GSTA5: variants seen among roughly 807,000 people sequenced by gnomAD.
GSTA5 encodes the protein glutathione S-transferase alpha 5.
In GSTA5, 25 loss-of-function variants were observed where a neutral mutation model predicts 21.8. The ratio of observed to expected loss-of-function variants is 1.14; its 90% CI spans 0.83 to 1.60. The LOEUF (loss-of-function observed/expected upper bound fraction) is 1.60, where lower values mean the gene tolerates loss of function less well. Among genes scored for constraint, GSTA5 ranks in the 40% most tolerant of loss-of-function variants. GSTA5 has a pLI of 0.00. For synonymous variants in GSTA5, 102 were observed against 89.5 expected (o/e 1.14, Z -0.78); for missense variants, 330 against 259.2 (o/e 1.27, Z -1.88).
intron 1 of GSTA5, among the ~76,000 whole-genome samples, chr6:52,838,221 T>C (rs369751246): frequency 2.0e-5 from 3 of 152,226 alleles, no homozygotes; most frequent in South Asian, 4.1e-4. Flanking sequence ...TAACATTATT[T>C]TTCATGAAAA....
chr6:52,835,088 A>G (rs1764273634), intron 3 of GSTA5, among the ~76,000 whole-genome samples: 1 of 152,246 alleles, frequency 6.6e-6, no homozygotes, highest in South Asian at 2.1e-4. Context: ...AGAATTCTGT[A>G]AAAATCATCA....
chr6:52,834,332 T>C (rs547013556), intron 3 of GSTA5, 50 bp from the exon 4 acceptor site: 266 of 1,559,560 alleles, frequency 1.7e-4, no homozygotes, highest in Non-Finnish European at 2.1e-4. Context: ...CCTTAGATTT[T>C]ATAGGTTTAT....
chr6:52,838,616 G>C (rs1764324793), intron 1 of GSTA5, among the ~76,000 whole-genome samples: 2 of 152,192 alleles, frequency 1.3e-5, no homozygotes, highest in South Asian at 4.1e-4. Flanking sequence ...ATGAGTGGTT[G>C]CAGGTATTTA....
Position 52,834,293 on chromosome 6 carries a change from A to G in GSTA5, c.273-11T>C, listed in dbSNP as rs762712071. The G allele has an allele frequency of 1.3e-6, 2 of 1,598,750 alleles. No homozygotes were observed. The highest frequency in any genetic ancestry group is 2.3e-5 in the South Asian group (2 of 87,788). ...GTGTACATATCAATCCTGAAAGACA[A>G]AAACAACCAAACCATCAAATGCCTT... On this transcript the variant is annotated splice_polypyrimidine_tract_variant and intron_variant, in intron 3 of 5. Transcript: ENST00000370989.
At position 52,840,126 on chromosome 6, in the gene GSTA5, G is replaced by A. The variant is rs1223150274; in HGVS notation, c.87+601C>T. Among the ~76,000 whole-genome samples the A allele has an allele frequency of 6.6e-5, 10 of 152,052 alleles. No homozygotes were observed. In the South Asian group the frequency reaches 8.3e-4, roughly 13 times the overall value. On this transcript the variant is annotated intron_variant, in intron 1 of 5. Transcript: ENST00000370989. ...AACTACAGCCATTTTTAAATATTAC[G>A]TATTTTCATTTTTTTGTTGTGGAAA...
chr6:52,836,223 A>C lies in GSTA5; in HGVS notation c.272+13T>G. On this transcript the variant is annotated intron_variant, in intron 3 of 5. Coordinates refer to ENST00000370989, the Ensembl canonical transcript of GSTA5. ...TGTTCTCTGTGGATGGAAGAACAGA[A>C]AATATACCATACAGGGCTCTCTCCT... 1 of 1,612,078 alleles carries C rather than the reference A, an allele frequency of 6.2e-7. No homozygotes were observed. The highest frequency in any genetic ancestry group is 8.5e-7 in the Non-Finnish European group (1 of 1,179,392).
At chr6:52,834,067 C>T in intron 4 of GSTA5, 74 bp downstream of exon 4, 1 of 1,546,608 alleles carries the variant, frequency 6.5e-7, no homozygotes, top group Non-Finnish European at 8.9e-7. Flanking sequence ...TCAGTGGCCC[C>T]AGGAATGCCC....
chr6:52,840,732 C>T, exon 1 of GSTA5: 6 of 1,613,956 alleles, frequency 3.7e-6, no homozygotes, highest in South Asian at 1.1e-5. Context: ...CCTACCTCTA[C>T]TCCAGCTGCA....
At chr6:52,839,386 T>C (rs2127324908) in intron 1 of GSTA5, among the ~76,000 whole-genome samples, 1 of 152,318 alleles carries the variant, frequency 6.6e-6, no homozygotes, top group East Asian at 1.9e-4. Context: ...GCAGAGCTGA[T>C]GTCTGCGTGA....
In GSTA5 at chr6:52,832,993, G is replaced by C. The variant is rs1478759028; in HGVS notation, c.415-3C>G. On this transcript the variant is annotated splice_polypyrimidine_tract_variant and splice_region_variant and intron_variant, in intron 4 of 5. Transcript: ENST00000370989. Reference sequence around the variant, plus strand: ...TCTTGTCTGTGGCTCTTTAAGACCTGGAGAATTGGAGGAATCAGATCAGGA... The same window carrying C: ...TCTTGTCTGTGGCTCTTTAAGACCTCGAGAATTGGAGGAATCAGATCAGGA... 7.4e-6 allele frequency: 12 copies of C among 1,613,956 alleles called. No homozygotes were observed. The highest frequency in any genetic ancestry group is 1.3e-5 in the African/African-American group (1 of 75,018).
At chr6:52,840,673 T>A in intron 1 of GSTA5, 54 bp downstream of exon 1, 2 of 1,476,280 alleles carry the variant, frequency 1.4e-6, no homozygotes, top group Non-Finnish European at 1.9e-6. Flanking sequence ...GTGGGAAAAG[T>A]ATGTGATAAC....
chr6:52,836,481 G>T, intron 2 of GSTA5, 113 bp from the exon 3 acceptor site: 5 of 1,108,284 alleles, frequency 4.5e-6, no homozygotes, highest in Non-Finnish European at 6.5e-6. Context: ...AGAAATTATT[G>T]CCTGTTAAGT....
intron 1 of GSTA5, 149 bp downstream of exon 1, chr6:52,840,578 G>A (rs1764358527): frequency 8.1e-6 from 6 of 737,374 alleles, no homozygotes; most frequent in Non-Finnish European, 1.4e-5. Flanking sequence ...CAATTTTTAG[G>A]TCAAATCTAT....
chr6:52,839,750 A>G (rs1239092553), intron 1 of GSTA5, among the ~76,000 whole-genome samples: 1 of 152,176 alleles, frequency 6.6e-6, no homozygotes. Context: ...TTTCTCAGTG[A>G]CACCTCTAGA....
At chr6:52,841,256 C>G (rs189349949), upstream of GSTA5, among the ~76,000 whole-genome samples, 10 of 152,262 alleles carry the variant, frequency 6.6e-5, no homozygotes, top group South Asian at 4.2e-4. Flanking sequence ...TTAATGAAAT[C>G]GAACATCAGA....
chr6:52,843,959 G>A (rs1281832029), upstream of GSTA5, among the ~76,000 whole-genome samples: 1 of 152,164 alleles, frequency 6.6e-6, no homozygotes, highest in Non-Finnish European at 1.5e-5. Context: ...TAAGACTGGG[G>A]CAGAGGTTAC....
At chr6:52,840,603 A>C in intron 1 of GSTA5, 124 bp downstream of exon 1, 1 of 895,302 alleles carries the variant, frequency 1.1e-6, no homozygotes, top group Admixed American at 2.4e-5. Context: ...CTTTTTCTTA[A>C]TTACAGTCCA....
intron 4 of GSTA5, among the ~76,000 whole-genome samples, chr6:52,833,478 C>G (rs1764246254): frequency 6.6e-6 from 1 of 152,198 alleles, no homozygotes; most frequent in East Asian, 1.9e-4. Context: ...ATTCCCTGCT[C>G]TATCTCCCTG....
upstream of GSTA5, among the ~76,000 whole-genome samples, chr6:52,844,684 T>C (rs182001199): frequency 9.8e-5 from 15 of 152,304 alleles, no homozygotes; most frequent in East Asian, 2.9e-3. Flanking sequence ...TTTTCTCTTC[T>C]TAGAGTAGAG....
Sources: gnomAD v4.1 joint callset for allele counts (sites outside exome capture counted in the v4.1 genomes callset) on GRCh38, gnomAD v4.1.1 for gene constraint, MANE v1.5 for transcripts, NCBI Gene and HGNC (gene_info 2026-07-23, HGNC 2026-07-21) for gene names.